The following CHST1 variants were observed in gnomAD, a reference collection of about 807,000 sequenced individuals.
CHST1 encodes Keratan sulfotransferase.
Under a neutral mutation model 22.5 loss-of-function variants are expected in CHST1, and 10 were observed. The observed-to-expected ratio is 0.44, with a 90% confidence interval of 0.27 to 0.75. CHST1 has a LOEUF of 0.75. CHST1 is among the 30% of genes least tolerant of loss of function. The pLI, the probability that CHST1 is intolerant of heterozygous loss-of-function variation, is 0.15. For synonymous variants in CHST1, 267 were observed against 264.5 expected (o/e 1.01, Z -0.09); for missense variants, 439 against 576.1 (o/e 0.76, Z 2.44).
chr11:45,650,737 T>C lies in CHST1; in HGVS notation c.187A>G (p.Ile63Val). 1.2e-6 allele frequency: 2 copies of C among 1,614,010 alleles called. No homozygotes were observed. The highest frequency in any genetic ancestry group is 1.1e-5 in the South Asian group (1 of 91,074). Residue 63 changes from isoleucine to valine, a missense_variant, in exon 4 of 4, where the codon ATC (isoleucine) becomes GTC (valine). Coordinates refer to ENST00000308064, the MANE Select transcript of CHST1 (RefSeq NM_003654.6). ...CTGCGCGTGGTGGCCAGGATGAGGA[T>C]GTGGGTCTTGCGGGAGAGGTTGTAG... ...FAYNLSRKTH[I>V]LILATTRSGS...
rs949113626 is a variant in CHST1, at chr11:45,649,863, G to T, written c.1061C>A (p.Ala354Glu). ...GAAGCGCCACTTCTCGGCCGTGGCC[G>T]CCGAGTTTCGCACGGTGCCGTATTT... ...KHKYGTVRNS[A>E]ATAEKWRFRL... Residue 354 changes from alanine to glutamate, a missense_variant, in exon 4 of 4, where the codon GCG becomes GAG. Ala to Glu is a moderately radical substitution (Grantham distance 107). Transcript: ENST00000308064. 6.2e-7 allele frequency: 1 copy of T among 1,610,924 alleles called. No homozygotes were observed. The highest frequency in any genetic ancestry group is 8.5e-7 in the Non-Finnish European group (1 of 1,179,948).
intron 1 of CHST1, among the ~76,000 whole-genome samples, chr11:45,659,661 C>T (rs1852105005): frequency 6.6e-6 from 1 of 152,164 alleles, no homozygotes; most frequent in Non-Finnish European, 1.5e-5. Flanking sequence ...GACTGCTGCA[C>T]CTGATGGGCA....
Position 45,649,978 on chromosome 11 carries a change from T to C in CHST1, c.946A>G (p.Ile316Val), listed in dbSNP as rs952252613. The C allele has an allele frequency of 6.2e-7, 1 of 1,613,834 alleles. No individual in the cohort carries two copies. The change falls in exon 4 of 4, where the codon ATC becomes GTC. Residue 316 changes from isoleucine (I) to valine (V), a missense_variant. Coordinates refer to ENST00000308064, the MANE Select transcript of CHST1 (RefSeq NM_003654.6). ...ARNPMKKTEEIYGFLGIPLDS... is the reference protein window; with the variant it reads ...ARNPMKKTEEVYGFLGIPLDS... ...AGCGGGATGCCCAGGAACCCGTAGA[T>C]CTCCTCGGTCTTCTTCATAGGGTTC...
intron 1 of CHST1, among the ~76,000 whole-genome samples, chr11:45,658,559 G>A (rs933692461): frequency 6.6e-6 from 1 of 152,194 alleles, no homozygotes; most frequent in Non-Finnish European, 1.5e-5. Flanking sequence ...TGGAGGGTGG[G>A]AGTGGGAGGG....
Position 45,649,587 on chromosome 11 carries a change from TGA to T in CHST1, c.*99_*100del. ...GCTGGGGGCAGGAAGGACACGAAGA[TGA>T]GGTGGGAGAGGGAGGGGTTAATAAG... On this transcript the variant is annotated 3_prime_UTR_variant, in exon 4 of 4. Coordinates refer to ENST00000308064, the MANE Select transcript of CHST1 (RefSeq NM_003654.6). 8.2e-7 allele frequency: 1 copy of T among 1,220,334 alleles called. No individual in the cohort carries two copies. Among genetic ancestry groups the T allele is most frequent in the South Asian group, 1.5e-5 (1 of 68,654 alleles). 75.6% of individuals were successfully genotyped at this position (1,220,334 alleles called of 1,614,324 possible).
chr11:45,653,967 A>T (rs1852029698), intron 1 of CHST1, among the ~76,000 whole-genome samples: 1 of 152,170 alleles, frequency 6.6e-6, no homozygotes, highest in Admixed American at 6.5e-5. Flanking sequence ...CATAATAAGG[A>T]GCCAGGATTC....
At position 45,649,339 on chromosome 11, in the gene CHST1, A is replaced by G. The variant is rs149803736; in HGVS notation, c.*349T>C. On this transcript the variant is annotated 3_prime_UTR_variant, in exon 4 of 4. Transcript: ENST00000308064. ...GATACCCGACCACTCACCCATTCAA[A>G]AGCTTGAGAAGTCGCCTCGCGAGTG... 1 of 285,784 alleles carries G rather than the reference A, an allele frequency of 3.5e-6. No homozygotes were observed. Among genetic ancestry groups the G allele is most frequent in the Non-Finnish European group, 6.5e-6 (1 of 153,402 alleles). 17.7% of individuals were successfully genotyped at this position (285,784 alleles called of 1,614,324 possible). A position where few individuals can be genotyped will look rare whatever the true frequency, so the allele number is the denominator to read the frequency against.
rs1352169662 is a variant in CHST1 at position 45,650,499 on chromosome 11, G to T, written c.425C>A (p.Pro142Gln). The T allele has an allele frequency of 6.2e-7, 1 of 1,613,718 alleles. No homozygotes were observed. The highest frequency in any genetic ancestry group is 8.5e-7 in the Non-Finnish European group (1 of 1,179,958). ...LYFLENYIKP[P>Q]PVNHTTDRIF... Reference sequence around the variant, plus strand: ...CCTGTCGGTGGTGTGGTTGACCGGCGGCGGCTTGATGTAGTTCTCCAGGAA... The same window carrying T: ...CCTGTCGGTGGTGTGGTTGACCGGCTGCGGCTTGATGTAGTTCTCCAGGAA... The change falls in exon 4 of 4, where the codon CCG (proline) becomes CAG (glutamine). Residue 142 changes from proline to glutamine, a missense_variant. Pro to Gln is a moderately conservative substitution (Grantham distance 76, BLOSUM62 -1). Transcript: ENST00000308064.
chr11:45,655,998 C>T (rs930543791), intron 1 of CHST1, among the ~76,000 whole-genome samples: 3 of 152,228 alleles, frequency 2.0e-5, no homozygotes, highest in African/African-American at 7.2e-5. Flanking sequence ...GCATTTCTGT[C>T]CCCCACCTCG....
chr11:45,647,803 C>T lies in CHST1; in HGVS notation c.*1885G>A, dbSNP rs1239094340. Reference sequence around the variant, plus strand: ...TAAAATTTTTTACAAAAGAAAATCACCTATCTTGATTAAGCCACTATTAGT... The same window carrying T: ...TAAAATTTTTTACAAAAGAAAATCATCTATCTTGATTAAGCCACTATTAGT... On this transcript the variant is annotated 3_prime_UTR_variant, in exon 4 of 4. Coordinates refer to ENST00000308064, the MANE Select transcript of CHST1 (RefSeq NM_003654.6). Among the ~76,000 whole-genome samples the T allele has an allele frequency of 6.6e-6, 1 of 152,194 alleles. No homozygotes were observed. Among genetic ancestry groups the T allele is most frequent in the African/African-American group, 2.4e-5 (1 of 41,436 alleles).
intron 1 of CHST1, among the ~76,000 whole-genome samples, chr11:45,657,745 A>AC (rs1231190202): frequency 6.6e-6 from 1 of 151,948 alleles, no homozygotes; most frequent in Non-Finnish European, 1.5e-5. Context: ...AGCCCAAGGG[A>AC]CCCCTTCTCT....
At chr11:45,655,358 CCTT>C (rs1852049641) in intron 1 of CHST1, among the ~76,000 whole-genome samples, 1 of 152,242 alleles carries the variant, frequency 6.6e-6, no homozygotes, top group Admixed American at 6.5e-5. Context: ...GCCCACCGCC[CCTT>C]CTTCCTGCAG....
Position 45,663,806 on chromosome 11 carries a change from C to T in CHST1, c.-227+1372G>A, listed in dbSNP as rs45524341. Among the ~76,000 whole-genome samples the T allele has an allele frequency of 3.6e-3, 545 of 152,260 alleles. 6 individuals are homozygous for T. Among genetic ancestry groups the T allele is most frequent in the African/African-American group, 0.012 (503 of 41,552 alleles). On this transcript the variant is annotated intron_variant, in intron 1 of 3. Coordinates refer to ENST00000308064, the MANE Select transcript of CHST1 (RefSeq NM_003654.6). Reference sequence around the variant, plus strand: ...AGGGGTTCAAGGCTCAAGGGCAAATCCACCCATTCCTTTCCCCAGCAGCTC... The same window carrying T: ...AGGGGTTCAAGGCTCAAGGGCAAATTCACCCATTCCTTTCCCCAGCAGCTC...
chr11:45,650,962 A>G lies in CHST1; in HGVS notation c.-39T>C. ...CATGGGGCTGCTTCTCCAAGGGGTG[A>G]GGTCTGTGGGCAAAGGCGGCCAGCG... is the stretch of plus-strand genomic sequence containing the variant. On this transcript the variant is annotated 5_prime_UTR_variant, in exon 4 of 4. Transcript: ENST00000308064. The G allele has an allele frequency of 6.6e-7, 1 of 1,512,338 alleles. No homozygotes were observed. Among genetic ancestry groups the G allele is most frequent in the East Asian group, 2.3e-5 (1 of 43,862 alleles). 93.7% of individuals were successfully genotyped at this position (1,512,338 alleles called of 1,614,324 possible).
rs980309642 is a variant in CHST1, at chr11:45,647,953, C to T, written c.*1735G>A. Among the ~76,000 whole-genome samples the T allele has an allele frequency of 2.6e-5, 4 of 152,162 alleles. No individual in the cohort carries two copies. The highest frequency in any genetic ancestry group is 9.7e-5 in the African/African-American group (4 of 41,420). ...TAGGACCCCTGGGGCTGCCTAATCACCAGACACTCCTTTGTCCCAGGACAA... is the reference window on the plus strand; with the variant it reads ...TAGGACCCCTGGGGCTGCCTAATCATCAGACACTCCTTTGTCCCAGGACAA... On this transcript the variant is annotated 3_prime_UTR_variant, in exon 4 of 4. Transcript: ENST00000308064.
At chr11:45,659,436 C>T (rs943912065) in intron 1 of CHST1, among the ~76,000 whole-genome samples, 1 of 152,118 alleles carries the variant, frequency 6.6e-6, no homozygotes, top group Non-Finnish European at 1.5e-5. Context: ...CACCCCCGAC[C>T]CAGATACTGG....
intron 2 of CHST1, 53 bp from the exon 3 acceptor site, chr11:45,652,143 GC>G (rs1852006565): frequency 6.6e-6 from 1 of 152,388 alleles, no homozygotes. Context: ...GGGTCTCAGT[GC>G]CCCCTCCCCA....
chr11:45,653,397 G>A (rs1852022703), intron 1 of CHST1, among the ~76,000 whole-genome samples: 1 of 152,128 alleles, frequency 6.6e-6, no homozygotes, highest in Admixed American at 6.5e-5. Context: ...TTCTCAACGT[G>A]ATCAGAGAAA....
At chr11:45,651,666 G>A (rs1212558208) in intron 3 of CHST1, 2 of 152,468 alleles carry the variant, frequency 1.3e-5, no homozygotes, top group East Asian at 1.9e-4. Flanking sequence ...CCAGCACCCA[G>A]GGTCTGTTCC....
Sources: allele counts gnomAD v4.1 joint callset (sites outside exome capture counted in the v4.1 genomes callset), GRCh38; gene constraint gnomAD v4.1.1; transcripts MANE v1.5; gene names NCBI Gene and HGNC (gene_info 2026-07-23, HGNC 2026-07-21).